Variants in TYW1B observed in about 807,000 individuals in gnomAD.
The protein encoded by TYW1B is tRNA-yW synthesizing protein 1 homolog B.
A neutral mutation model predicts 86.9 loss-of-function variants in TYW1B; 73 were observed. The ratio of observed to expected loss-of-function variants is 0.84; its 90% confidence interval spans 0.70 to 1.02. The LOEUF (loss-of-function observed/expected upper bound fraction) is 1.02, where lower values mean the gene tolerates loss of function less well. Ranked by LOEUF, TYW1B falls within the 50% of genes least tolerant of loss-of-function variation. TYW1B has a pLI of 0.00. For missense variants in TYW1B, 637 were observed against 827.4 expected, an observed-to-expected ratio of 0.77 and a Z score of 2.82; for synonymous variants, 248 against 292.8, an observed-to-expected ratio of 0.85 and a Z score of 1.56.
At chr7:72,772,167 C>T (rs1187962009) in intron 7 of TYW1B, among the ~76,000 whole-genome samples, 1 of 151,512 alleles carries the variant, frequency 6.6e-6, no homozygotes, top group Non-Finnish European at 1.5e-5. Context: ...ATAAATTAAT[C>T]CAAAAATTAT....
rs951401231 is a variant in TYW1B at position 72,750,181 on chromosome 7, G to A, written c.965-5580C>T. Among the ~76,000 whole-genome samples, 4 of 152,034 alleles carry A rather than the reference G, an allele frequency of 2.6e-5. 1 individual carries two copies. The highest frequency in any genetic ancestry group is 6.6e-5 in the Admixed American group (1 of 15,250). On this transcript the variant is annotated intron_variant, in intron 7 of 13. Transcript: ENST00000620995. Reference sequence around the variant, plus strand: ...CTCCCAAAGTGCTGGGATTACAGGCGTGAGCCACTGCACCCAGCCCTGAAT... The same window carrying A: ...CTCCCAAAGTGCTGGGATTACAGGCATGAGCCACTGCACCCAGCCCTGAAT...
intron 1 of TYW1B, among the ~76,000 whole-genome samples, chr7:72,827,568 T>C (rs1788958688): frequency 6.6e-6 from 1 of 152,172 alleles, no homozygotes; most frequent in Non-Finnish European, 1.5e-5. Context: ...GAACATAAAG[T>C]AAAAATACTT....
intron 13 of TYW1B, among the ~76,000 whole-genome samples, chr7:72,593,639 A>G (rs186598530): frequency 0.024 from 3,708 of 151,776 alleles, 156 homozygotes; most frequent in African/African-American, 0.083. Context: ...TGGCTAACAC[A>G]GTGAAACCCC....
At chr7:72,820,457 C>T (rs1788807503) in intron 2 of TYW1B, among the ~76,000 whole-genome samples, 1 of 152,124 alleles carries the variant, frequency 6.6e-6, no homozygotes, top group East Asian at 1.9e-4. Flanking sequence ...CTGTTATGGG[C>T]CACCATAAAA....
chr7:72,747,480 CAGTT>C (rs1554464053), intron 7 of TYW1B, among the ~76,000 whole-genome samples: 2 of 152,134 alleles, frequency 1.3e-5, no homozygotes, highest in South Asian at 2.1e-4. Flanking sequence ...GTAAAAAAAA[CAGTT>C]AAACATATTT....
Position 72,735,913 on chromosome 7 carries a change from G to C in TYW1B, c.1083-6982C>G, listed in dbSNP as rs148409002. The stretch of plus-strand genomic sequence containing the variant: ...ATACCGTAACATTATCCTATTTAAG[G>C]TTTATAAATCATTGGCTTTTGCTAT... On this transcript the variant is annotated intron_variant, in intron 8 of 13. Transcript: ENST00000620995. 8.2e-4 allele frequency among the ~76,000 whole-genome samples: 125 copies of C among 152,088 alleles called. No homozygotes were observed. In the East Asian group the frequency reaches 0.019, roughly 23 times the overall value.
chr7:72,751,129 C>T (rs1280844179), intron 7 of TYW1B, among the ~76,000 whole-genome samples: 1 of 151,890 alleles, frequency 6.6e-6, no homozygotes, highest in Non-Finnish European at 1.5e-5. Flanking sequence ...CCTCCACCTC[C>T]TGGGTTCAAG....
chr7:72,592,670 A>G (rs2129567853), intron 13 of TYW1B, among the ~76,000 whole-genome samples: 1 of 152,376 alleles, frequency 6.6e-6, no homozygotes, highest in Non-Finnish European at 1.5e-5. Flanking sequence ...GAACCCAAAG[A>G]TACAAGTGGA....
intron 9 of TYW1B, 143 bp from the exon 10 acceptor site, chr7:72,713,941 G>T (rs1442644022): frequency 3.5e-5 from 18 of 510,400 alleles, no homozygotes; most frequent in Non-Finnish European, 6.3e-5. Flanking sequence ...GGCAGGGCAG[G>T]ACTAGAATTA....
intron 13 of TYW1B, among the ~76,000 whole-genome samples, chr7:72,603,353 T>C (rs1368818755): frequency 2.0e-5 from 3 of 146,694 alleles, no homozygotes; most frequent in Admixed American, 6.8e-5. Flanking sequence ...GATGGATGGA[T>C]GGACGAATGG....
chr7:72,777,032 T>C (rs562239245), intron 7 of TYW1B, among the ~76,000 whole-genome samples: 1 of 152,260 alleles, frequency 6.6e-6, no homozygotes, highest in East Asian at 1.9e-4. Context: ...TTATTAATCA[T>C]TCATGCAACT....
intron 9 of TYW1B, among the ~76,000 whole-genome samples, chr7:72,719,427 G>A (rs1172962356): frequency 1.3e-5 from 2 of 151,764 alleles, no homozygotes; most frequent in African/African-American, 2.4e-5. Context: ...TTAGGGGTTC[G>A]AGACCAGCCT....
At chr7:72,731,205 A>G (rs1787100631) in intron 8 of TYW1B, among the ~76,000 whole-genome samples, 1 of 151,414 alleles carries the variant, frequency 6.6e-6, no homozygotes, top group Non-Finnish European at 1.5e-5. Flanking sequence ...TGTCGCAGAC[A>G]AGTAAAAATT....
intron 3 of TYW1B, among the ~76,000 whole-genome samples, chr7:72,813,812 C>G (rs782490461): frequency 1.6e-4 from 24 of 151,762 alleles, no homozygotes; most frequent in Admixed American, 1.1e-3. Flanking sequence ...GTCAGGAGTT[C>G]GACACAAGCA....
At chr7:72,606,903 CAG>C (rs1199848276) in intron 13 of TYW1B, among the ~76,000 whole-genome samples, 4 of 152,144 alleles carry the variant, frequency 2.6e-5, no homozygotes, top group Non-Finnish European at 4.4e-5. Flanking sequence ...AAATAAGATC[CAG>C]AGTCTCCTAA....
rs141532595 is a variant in TYW1B at position 72,638,735 on chromosome 7, T to A, written c.1507-9738A>T. On this transcript the variant is annotated intron_variant, in intron 11 of 13. Transcript: ENST00000620995. ...AAATAAAACGGTCTTTGTTTAGAGA[T>A]AGCATGATTATCTATGTAGAAAATC... 2.4e-3 allele frequency among the ~76,000 whole-genome samples: 370 copies of A among 152,318 alleles called. 2 individuals carry two copies. Among genetic ancestry groups the A allele is most frequent in the African/African-American group, 8.5e-3 (353 of 41,572 alleles).
At chr7:72,825,497 G>A (rs560591956) in intron 2 of TYW1B, among the ~76,000 whole-genome samples, 1 of 152,128 alleles carries the variant, frequency 6.6e-6, no homozygotes, top group Non-Finnish European at 1.5e-5. Flanking sequence ...CAGCCAACGT[G>A]GCAAAACCCC....
chr7:72,708,843 T>A (rs1814674738), intron 10 of TYW1B, among the ~76,000 whole-genome samples: 2 of 152,344 alleles, frequency 1.3e-5, no homozygotes, highest in Admixed American at 1.3e-4. Context: ...AAGACTATCT[T>A]GTTGCACTAC....
intron 3 of TYW1B, among the ~76,000 whole-genome samples, chr7:72,812,997 G>GC (rs1554478678): frequency 6.6e-6 from 1 of 151,306 alleles, no homozygotes; most frequent in Non-Finnish European, 1.5e-5. Context: ...CCTGGCCTCT[G>GC]TTTTTTTTAA....
Sources: allele counts gnomAD v4.1 joint callset (sites outside exome capture counted in the v4.1 genomes callset), GRCh38; gene constraint gnomAD v4.1.1; transcripts MANE v1.5; gene names NCBI Gene and HGNC (gene_info 2026-07-23, HGNC 2026-07-21).